CLVS1: variants seen among roughly 807,000 people sequenced by gnomAD.
CLVS1 encodes clavesin-1.
In CLVS1, 10 loss-of-function variants were observed where a neutral mutation model predicts 33.1. The ratio of observed to expected loss-of-function variants is 0.30; its 90% CI spans 0.19 to 0.51. The LOEUF is 0.51. Ranked by LOEUF, CLVS1 falls within the 20% of genes least tolerant of loss-of-function variation. CLVS1 has a pLI of 0.97. For missense variants in CLVS1, 343 were observed against 433.4 expected (o/e 0.79, Z 1.85); for synonymous variants, 163 against 166.1 (o/e 0.98, Z 0.14).
At chr8:61,183,154 G>A (rs1310008354) in intron 2 of CLVS1, among the ~76,000 whole-genome samples, 1 of 151,040 alleles carries the variant, frequency 6.6e-6, no homozygotes, top group African/African-American at 2.5e-5. Flanking sequence ...GGGCAGGGCG[G>A]AGGGGGGCAG....
chr8:61,073,696 C>T (rs58219261), intron 1 of CLVS1, among the ~76,000 whole-genome samples: 1 of 151,996 alleles, frequency 6.6e-6, no homozygotes, highest in African/African-American at 2.4e-5. Flanking sequence ...AGCCCATAGT[C>T]TAATACAGTA....
intron 5 of CLVS1, among the ~76,000 whole-genome samples, chr8:61,476,353 T>C (rs1817931504): frequency 6.6e-6 from 1 of 152,232 alleles, no homozygotes; most frequent in Non-Finnish European, 1.5e-5. Context: ...GGTAGCTTGA[T>C]GGGGATGGCG....
At chr8:61,186,669 GGA>G (rs1211746063) in intron 2 of CLVS1, among the ~76,000 whole-genome samples, 1 of 151,994 alleles carries the variant, frequency 6.6e-6, no homozygotes, top group Non-Finnish European at 1.5e-5. Context: ...AAGAAGGGAG[GGA>G]GAGAGGAAGG....
chr8:61,366,324 T>A (rs1016864499), intron 2 of CLVS1, among the ~76,000 whole-genome samples: 2 of 152,186 alleles, frequency 1.3e-5, no homozygotes, highest in Non-Finnish European at 1.5e-5. Flanking sequence ...TTTGTAAGCA[T>A]CCATCTAGCA....
the CLVS1 span, among the ~76,000 whole-genome samples, chr8:61,017,286 GTC>G: frequency 2.0e-5 from 3 of 152,190 alleles, no homozygotes; most frequent in Non-Finnish European, 4.4e-5. Flanking sequence ...AAATCCATGT[GTC>G]TCTGATTCGG....
chr8:61,475,148 A>C (rs1454214740), intron 5 of CLVS1, among the ~76,000 whole-genome samples: 1 of 152,206 alleles, frequency 6.6e-6, no homozygotes, highest in Admixed American at 6.5e-5. Context: ...ATGGCTGCAT[A>C]GTATTCCATG....
chr8:61,265,171 C>T (rs1214517225), intron 2 of CLVS1, among the ~76,000 whole-genome samples: 1 of 152,140 alleles, frequency 6.6e-6, no homozygotes, highest in East Asian at 1.9e-4. Context: ...TTAACATGGC[C>T]TATACTGAGC....
intron 2 of CLVS1, among the ~76,000 whole-genome samples, chr8:61,361,803 GA>G (rs1398086853): frequency 1.3e-5 from 2 of 152,108 alleles, no homozygotes; most frequent in African/African-American, 4.8e-5. Flanking sequence ...TATTATAAAA[GA>G]AATGGTATAT....
At chr8:61,274,836 T>A (rs1293678096) in intron 2 of CLVS1, among the ~76,000 whole-genome samples, 1 of 152,226 alleles carries the variant, frequency 6.6e-6, no homozygotes, top group Non-Finnish European at 1.5e-5. Flanking sequence ...TCATAATTCA[T>A]GTTACAACTC....
At chr8:61,265,775 G>C (rs1288658170) in intron 2 of CLVS1, among the ~76,000 whole-genome samples, 1 of 152,152 alleles carries the variant, frequency 6.6e-6, no homozygotes, top group South Asian at 2.1e-4. Flanking sequence ...CACCAGGCCT[G>C]CTGGGCCACA....
intron 3 of CLVS1, among the ~76,000 whole-genome samples, chr8:61,388,009 A>G (rs534224546): frequency 3.3e-4 from 50 of 152,226 alleles, no homozygotes; most frequent in African/African-American, 1.2e-3. Flanking sequence ...GGATTGCTGG[A>G]TTTTTATATT....
intron 1 of CLVS1, among the ~76,000 whole-genome samples, chr8:61,098,185 G>C (rs948673262): frequency 6.6e-6 from 1 of 151,946 alleles, no homozygotes; most frequent in South Asian, 2.1e-4. Flanking sequence ...GAAAGAGAGC[G>C]AGCAAGGGAG....
At chr8:61,028,735 T>C in the CLVS1 span, among the ~76,000 whole-genome samples, 111 of 152,258 alleles carry the variant, frequency 7.3e-4, no homozygotes, top group Non-Finnish European at 1.4e-3. Context: ...ACCAATGAAA[T>C]GCTGATGATC....
At chr8:61,046,923 C>T in the CLVS1 span, among the ~76,000 whole-genome samples, 23 of 151,576 alleles carry the variant, frequency 1.5e-4, 1 homozygote, top group South Asian at 8.3e-4. Context: ...TATACAATCA[C>T]GTCATCTGCA....
intron 2 of CLVS1, among the ~76,000 whole-genome samples, chr8:61,304,565 C>T (rs537890217): frequency 6.6e-6 from 1 of 152,320 alleles, no homozygotes; most frequent in East Asian, 1.9e-4. Context: ...TAACGGAGAC[C>T]TAGGGGACAC....
At chr8:61,096,444 G>T (rs1460405865) in intron 1 of CLVS1, among the ~76,000 whole-genome samples, 1 of 152,028 alleles carries the variant, frequency 6.6e-6, no homozygotes, top group Admixed American at 6.5e-5. Context: ...TCTTGATTTT[G>T]TTTTAGAATA....
At chr8:61,324,081 C>T (rs1585802290) in intron 2 of CLVS1, among the ~76,000 whole-genome samples, 1 of 152,052 alleles carries the variant, frequency 6.6e-6, no homozygotes, top group Non-Finnish European at 1.5e-5. Flanking sequence ...CTTTGTTATT[C>T]TGAATAGTGC....
chr8:61,358,074 A>G (rs565395926), intron 2 of CLVS1, among the ~76,000 whole-genome samples: 2 of 152,338 alleles, frequency 1.3e-5, no homozygotes, highest in South Asian at 4.1e-4. Context: ...TAAAGTCACC[A>G]GAGAATTGAT....
At chr8:60,986,519 C>T in the CLVS1 span, among the ~76,000 whole-genome samples, 179 of 152,308 alleles carry the variant, frequency 1.2e-3, 1 homozygote, top group East Asian at 0.02. Flanking sequence ...ATTTGCAAAG[C>T]AAAGAGCTTC....
Sources: allele counts gnomAD v4.1 joint callset (sites outside exome capture counted in the v4.1 genomes callset), GRCh38; gene constraint gnomAD v4.1.1; transcripts MANE v1.5; gene names NCBI Gene and HGNC (gene_info 2026-07-23, HGNC 2026-07-21).